The following PDK3 variants were observed in gnomAD, a reference collection of about 807,000 sequenced individuals.
PDK3 encodes pyruvate dehydrogenase kinase 3.
In PDK3, 12 loss-of-function variants were observed where a neutral mutation model predicts 32.0. That is an observed-to-expected ratio of 0.37 (90% CI 0.24 to 0.61). The LOEUF (loss-of-function observed/expected upper bound fraction) is 0.61, where lower values mean the gene tolerates loss of function less well. Among genes scored for constraint, PDK3 ranks in the 20% least tolerant of loss-of-function variants. PDK3 has a pLI of 0.65. For missense variants in PDK3, 188 were observed against 316.9 expected (o/e 0.59, Z 3.09); for synonymous variants, 122 against 116.3 (o/e 1.05, Z -0.31).
At chrX:24,488,327 A>G (rs1921457002) in intron 1 of PDK3, among the ~76,000 whole-genome samples, 1 of 112,028 alleles carries the variant, frequency 8.9e-6, no homozygotes, top group Admixed American at 9.5e-5. Context: ...CTTTCTAGAC[A>G]AAGCAAATCA....
intron 1 of PDK3, among the ~76,000 whole-genome samples, chrX:24,480,517 G>A (rs1953367685): frequency 8.9e-6 from 1 of 112,021 alleles, no homozygotes; most frequent in Non-Finnish European, 1.9e-5. Flanking sequence ...CAATTGCTGC[G>A]GGTAGGAGTC....
At chrX:24,533,733 A>G (rs1208815598) in intron 10 of PDK3, among the ~76,000 whole-genome samples, 196 bp from the exon 11 acceptor site, 3 of 111,971 alleles carry the variant, frequency 2.7e-5, no homozygotes, top group East Asian at 5.6e-4. Flanking sequence ...TGAATGAGCA[A>G]ATGTTTTCAT....
downstream of PDK3, among the ~76,000 whole-genome samples, chrX:24,538,860 A>G (rs1922833653): frequency 8.9e-6 from 1 of 112,018 alleles, no homozygotes; most frequent in Non-Finnish European, 1.9e-5. Context: ...TAACTTTAGC[A>G]TATTTTCATC....
Position 24,465,552 on chromosome X carries a change from C to T in PDK3, c.97C>T (p.Leu33=). 1 of 1,200,591 alleles carries T rather than the reference C, an allele frequency of 8.3e-7. No homozygotes were observed. The highest frequency in any genetic ancestry group is 1.1e-6 in the Non-Finnish European group (1 of 885,774). Residue 33 remains leucine (L), a synonymous_variant, in exon 1 of 11, where the codon CTG becomes TTG. Coordinates refer to ENST00000379162, the MANE Select transcript of PDK3 (RefSeq NM_005391.5). ...SPSPLSIKQF[L]DFGRDNACEK... Reference sequence around the variant, plus strand: ...GTCGCCGCTCTCCATCAAACAATTCCTGGACTTCGGTGAGTACGGGGCCAA... The same window carrying T: ...GTCGCCGCTCTCCATCAAACAATTCTTGGACTTCGGTGAGTACGGGGCCAA...
chrX:24,493,990 G>T (rs1921636866), intron 1 of PDK3, among the ~76,000 whole-genome samples: 1 of 111,909 alleles, frequency 8.9e-6, no homozygotes, highest in South Asian at 3.7e-4. Flanking sequence ...AAGTGGCCAG[G>T]TATGTTTCCT....
At chrX:24,539,580 C>T (rs1922846912) in exon 12 of PDK3, 1 of 117,249 alleles carries the variant, frequency 8.5e-6, no homozygotes, top group African/African-American at 3.2e-5. Flanking sequence ...CAAACCTCCA[C>T]CTAGGGCCCT....
chrX:24,533,045 C>T (rs1449252217), intron 10 of PDK3, among the ~76,000 whole-genome samples: 1 of 110,864 alleles, frequency 9.0e-6, no homozygotes, highest in Non-Finnish European at 1.9e-5. Context: ...CAGGTAAGCA[C>T]AATGCAAATA....
chrX:24,539,067 C>A, downstream of PDK3: 1 of 664,245 alleles, frequency 1.5e-6, no homozygotes, highest in Non-Finnish European at 2.4e-6. Context: ...CTCTAAAAGT[C>A]CTGGTCAAAA....
downstream of PDK3, among the ~76,000 whole-genome samples, chrX:24,535,694 A>G (rs1455628635): frequency 9.1e-6 from 1 of 109,651 alleles, no homozygotes; most frequent in Non-Finnish European, 1.9e-5. Context: ...TACACTATTC[A>G]TACTATTTTA....
rs58511156 is a variant in PDK3, at chrX:24,470,687, CAAAAAAAAA to C, written c.106+5141_106+5149del. ...GGGTGACAAGAGTGAAACGGCATCTCAAAAAAAAAAAAAAAAAAAAAAAGAAGAAAAGAA... is the reference window on the plus strand; with the variant it reads ...GGGTGACAAGAGTGAAACGGCATCTCAAAAAAAAAAAAAAGAAGAAAAGAA... On this transcript the variant is annotated intron_variant, in intron 1 of 10. Coordinates refer to ENST00000379162, the MANE Select transcript of PDK3 (RefSeq NM_005391.5). Among the ~76,000 whole-genome samples, 4 of 26,284 alleles carry C rather than the reference CAAAAAAAAA, an allele frequency of 1.5e-4. No individual in the cohort carries two copies. In the South Asian group the frequency reaches 8.2e-3, roughly 54 times the overall value. 22.8% of individuals were successfully genotyped at this position (26,284 alleles called of 115,157 possible).
chrX:24,480,675 T>C (rs1602103176), intron 1 of PDK3, among the ~76,000 whole-genome samples: 1 of 112,542 alleles, frequency 8.9e-6, no homozygotes, highest in Non-Finnish European at 1.9e-5. Context: ...TGCCAAAGGT[T>C]AACACCGAAG....
chrX:24,490,222 C>G (rs911924822), intron 1 of PDK3, among the ~76,000 whole-genome samples: 2 of 112,041 alleles, frequency 1.8e-5, no homozygotes, highest in Non-Finnish European at 3.8e-5. Flanking sequence ...ACATGATCTT[C>G]CCATCTCAGC....
chrX:24,544,822 G>A (rs1439073846), exon 12 of PDK3, among the ~76,000 whole-genome samples: 1 of 111,951 alleles, frequency 8.9e-6, no homozygotes, highest in Non-Finnish European at 1.9e-5. Context: ...CATTTATTCT[G>A]CCATCTTTTC....
At position 24,519,521 on chromosome X, in the gene PDK3, C is replaced by G. The variant is rs370580001; in HGVS notation, c.673+511C>G. ...AGTAGCTGGGATTACAGGTGCCCCC[C>G]ACCATGCCCAGCTAATTTTTGTATT... is the stretch of plus-strand genomic sequence containing the variant. On this transcript the variant is annotated intron_variant, in intron 6 of 10. Coordinates refer to ENST00000379162, the MANE Select transcript of PDK3 (RefSeq NM_005391.5). Among the ~76,000 whole-genome samples the G allele has an allele frequency of 7.3e-5, 8 of 109,283 alleles. No individual in the cohort carries two copies. In the East Asian group the frequency reaches 2.3e-3, roughly 31 times the overall value. 94.9% of individuals were successfully genotyped at this position (109,283 alleles called of 115,157 possible).
intron 10 of PDK3, among the ~76,000 whole-genome samples, chrX:24,532,944 C>T (rs1042582718): frequency 4.5e-5 from 5 of 109,980 alleles, no homozygotes; most frequent in African/African-American, 1.3e-4. Context: ...ACTTTTTGAG[C>T]GCCAACGTGA....
chrX:24,486,259 C>A (rs998552033), intron 1 of PDK3, among the ~76,000 whole-genome samples: 2 of 111,090 alleles, frequency 1.8e-5, no homozygotes, highest in African/African-American at 6.6e-5. Flanking sequence ...TCCAACTAGC[C>A]CGAAGCTGCC....
chrX:24,476,114 C>T (rs1921107015), intron 1 of PDK3, among the ~76,000 whole-genome samples: 1 of 110,947 alleles, frequency 9.0e-6, no homozygotes, highest in Admixed American at 9.6e-5. Flanking sequence ...TTGGGCAAAT[C>T]CTTTTATTTT....
chrX:24,487,334 A>C (rs779679232), intron 1 of PDK3, among the ~76,000 whole-genome samples: 1 of 111,810 alleles, frequency 8.9e-6, no homozygotes, highest in East Asian at 2.8e-4. Flanking sequence ...GCTCACCTGC[A>C]CACATGGACA....
At chrX:24,538,368 G>GTTATACTTTAC (rs1922822321), downstream of PDK3, among the ~76,000 whole-genome samples, 2 of 112,105 alleles carry the variant, frequency 1.8e-5, no homozygotes, top group Non-Finnish European at 3.8e-5. Context: ...AGTAAGTATG[G>GTTATACTTTAC]TAAATTCACT....
Sources: gnomAD v4.1 joint callset for allele counts (sites outside exome capture counted in the v4.1 genomes callset) on GRCh38, gnomAD v4.1.1 for gene constraint, MANE v1.5 for transcripts, NCBI Gene and HGNC (gene_info 2026-07-23, HGNC 2026-07-21) for gene names.